CPQ: variants seen among roughly 807,000 people sequenced by gnomAD.
CPQ encodes carboxypeptidase Q.
CPQ carries 37 observed loss-of-function variants against 45.7 expected under a neutral mutation model. The ratio of observed to expected loss-of-function variants is 0.81; its 90% CI spans 0.62 to 1.07. CPQ has a LOEUF of 1.07. CPQ is among the 50% of genes least tolerant of loss of function. The pLI is 0.00. For missense variants in CPQ, 537 were observed against 572.9 expected (o/e 0.94, Z 0.64); for synonymous variants, 186 against 205.8 (o/e 0.90, Z 0.82).
chr8:96,909,356 C>T (rs188996898), intron 4 of CPQ, among the ~76,000 whole-genome samples: 1 of 152,094 alleles, frequency 6.6e-6, no homozygotes, highest in African/African-American at 2.4e-5. Context: ...ACATCAGTAA[C>T]GGTGGAAATA....
Position 96,727,145 on chromosome 8 carries a change from C to G in CPQ, c.-34-57719C>G, listed in dbSNP as rs539026750. Reference sequence around the variant, plus strand: ...GTTCTTTTGGGTATACACTTAGTGACTAAATTACTGGGTCATAGAGTATGT... The same window carrying G: ...GTTCTTTTGGGTATACACTTAGTGAGTAAATTACTGGGTCATAGAGTATGT... On this transcript the variant is annotated intron_variant, in intron 1 of 7. Coordinates refer to ENST00000220763, the MANE Select transcript of CPQ (RefSeq NM_016134.4). Among the ~76,000 whole-genome samples the G allele has an allele frequency of 1.1e-3, 172 of 152,262 alleles. 2 individuals carry two copies. Among genetic ancestry groups the G allele is most frequent in the African/African-American group, 3.9e-3 (164 of 41,552 alleles).
intron 5 of CPQ, among the ~76,000 whole-genome samples, chr8:96,982,314 G>T (rs1813915240): frequency 1.3e-5 from 2 of 152,088 alleles, no homozygotes; most frequent in African/African-American, 4.8e-5. Flanking sequence ...GGACTTAAAT[G>T]AAGTAGAGTC....
intron 4 of CPQ, among the ~76,000 whole-genome samples, chr8:96,953,874 C>G (rs1813309735): frequency 6.6e-6 from 1 of 152,120 alleles, no homozygotes. Flanking sequence ...ACTGAATTAT[C>G]TTGTCAGTTT....
chr8:96,752,073 G>A (rs1810269293), intron 1 of CPQ, among the ~76,000 whole-genome samples: 1 of 152,088 alleles, frequency 6.6e-6, no homozygotes, highest in South Asian at 2.1e-4. Flanking sequence ...GTAGCATGAT[G>A]GCTCCAACTT....
At chr8:96,977,302 C>A (rs907525129) in intron 5 of CPQ, among the ~76,000 whole-genome samples, 1 of 147,630 alleles carries the variant, frequency 6.8e-6, no homozygotes, top group Admixed American at 6.8e-5. Flanking sequence ...TACCACCTCA[C>A]ACCTGCAAGA....
chr8:96,716,725 T>C (rs1416834021), intron 1 of CPQ, among the ~76,000 whole-genome samples: 1 of 152,016 alleles, frequency 6.6e-6, no homozygotes, highest in Non-Finnish European at 1.5e-5. Context: ...CTGGCCAACA[T>C]GGTGAAACCC....
At chr8:96,725,656 A>G (rs1344947103) in intron 1 of CPQ, among the ~76,000 whole-genome samples, 1 of 152,224 alleles carries the variant, frequency 6.6e-6, no homozygotes, top group Non-Finnish European at 1.5e-5. Context: ...TGGTTCAGCC[A>G]CTGTGGAAAG....
intron 1 of CPQ, among the ~76,000 whole-genome samples, chr8:96,744,253 T>C (rs1810142562): frequency 6.6e-6 from 1 of 152,250 alleles, no homozygotes; most frequent in South Asian, 2.1e-4. Context: ...ATGCCGTCTG[T>C]CACCACTTTC....
chr8:97,070,013 T>A (rs1446810081), intron 7 of CPQ, among the ~76,000 whole-genome samples: 1 of 152,228 alleles, frequency 6.6e-6, no homozygotes, highest in African/African-American at 2.4e-5. Context: ...CTAGATGATA[T>A]CTATAATGGA....
At chr8:96,840,935 G>C (rs1006974655) in intron 3 of CPQ, among the ~76,000 whole-genome samples, 3 of 152,208 alleles carry the variant, frequency 2.0e-5, no homozygotes, top group African/African-American at 7.2e-5. Flanking sequence ...TATCTTGTAT[G>C]TTCCATTGGG....
At chr8:96,650,816 GTGTTATC>G (rs1815568584) in intron 1 of CPQ, among the ~76,000 whole-genome samples, 1 of 152,212 alleles carries the variant, frequency 6.6e-6, no homozygotes, top group Non-Finnish European at 1.5e-5. Context: ...TGTGCATAGA[GTGTTATC>G]TACGTAAATC....
At chr8:96,924,809 A>T (rs901970442) in intron 4 of CPQ, among the ~76,000 whole-genome samples, 4 of 152,200 alleles carry the variant, frequency 2.6e-5, no homozygotes, top group African/African-American at 9.7e-5. Flanking sequence ...ACTTCTGTGG[A>T]TATTAATACT....
At chr8:96,659,296 T>G (rs767068512) in intron 1 of CPQ, 1 of 152,174 alleles carries the variant, frequency 6.6e-6, no homozygotes, top group Non-Finnish European at 1.5e-5. Flanking sequence ...TTCCTACCAT[T>G]TTGTGGTTCC....
At chr8:96,793,657 G>A (rs1389669825) in intron 2 of CPQ, among the ~76,000 whole-genome samples, 1 of 152,142 alleles carries the variant, frequency 6.6e-6, no homozygotes, top group Non-Finnish European at 1.5e-5. Flanking sequence ...ACTCATTTCA[G>A]CATTAACTCA....
chr8:96,723,193 T>C (rs2130764322), intron 1 of CPQ, among the ~76,000 whole-genome samples: 1 of 152,246 alleles, frequency 6.6e-6, no homozygotes, highest in South Asian at 2.1e-4. Flanking sequence ...AGGACAAGGA[T>C]TTTTTTCTTA....
chr8:97,003,181 A>G (rs1239111000), intron 5 of CPQ, among the ~76,000 whole-genome samples: 1 of 152,128 alleles, frequency 6.6e-6, no homozygotes, highest in African/African-American at 2.4e-5. Context: ...TCTTAAAGAC[A>G]GCATACCAAT....
intron 7 of CPQ, among the ~76,000 whole-genome samples, chr8:97,102,728 C>T (rs929322088): frequency 1.3e-5 from 2 of 152,120 alleles, no homozygotes; most frequent in Non-Finnish European, 2.9e-5. Context: ...AGCACTACAC[C>T]CAGACTTTGC....
chr8:97,087,046 G>A (rs1399962136), intron 7 of CPQ, among the ~76,000 whole-genome samples: 1 of 152,174 alleles, frequency 6.6e-6, no homozygotes, highest in Admixed American at 6.5e-5. Context: ...TTAGTCAAGT[G>A]TCTGGCATTC....
At chr8:96,827,255 T>A (rs567336207) in intron 2 of CPQ, among the ~76,000 whole-genome samples, 57 of 152,104 alleles carry the variant, frequency 3.7e-4, no homozygotes, top group African/African-American at 1.3e-3. Context: ...TTCTCTTATG[T>A]CCTATTCTTC....
Sources: allele counts gnomAD v4.1 joint callset (sites outside exome capture counted in the v4.1 genomes callset), GRCh38; gene constraint gnomAD v4.1.1; transcripts MANE v1.5; gene names NCBI Gene and HGNC (gene_info 2026-07-23, HGNC 2026-07-21).